Variants in RAD51B observed in about 807,000 individuals in gnomAD.
RAD51B encodes DNA repair protein RAD51 homolog 2.
Under a neutral mutation model 42.2 loss-of-function variants are expected in RAD51B, and 38 were observed. The ratio of observed to expected loss-of-function variants is 0.90; its 90% CI spans 0.70 to 1.18. The LOEUF is 1.18. Among genes scored for constraint, RAD51B ranks in the 50% most tolerant of loss-of-function variants. The pLI, the probability that RAD51B is intolerant of heterozygous loss-of-function variation, is 0.00. For missense variants in RAD51B, 373 were observed against 400.7 expected (o/e 0.93, Z 0.59); for synonymous variants, 154 against 145.2 (o/e 1.06, Z -0.43).
At chr14:68,068,928 G>T (rs529373247) in intron 7 of RAD51B, among the ~76,000 whole-genome samples, 2 of 152,096 alleles carry the variant, frequency 1.3e-5, no homozygotes, top group Non-Finnish European at 2.9e-5. Context: ...AACACTTCTC[G>T]ATTATTGCAA....
intron 10 of RAD51B, among the ~76,000 whole-genome samples, chr14:68,491,777 G>A (rs1370892541): frequency 1.3e-5 from 2 of 152,188 alleles, no homozygotes. Context: ...AAGATGACAG[G>A]GTAGATAAAT....
intron 8 of RAD51B, among the ~76,000 whole-genome samples, chr14:68,385,437 T>C (rs1459312644): frequency 6.6e-6 from 1 of 152,238 alleles, no homozygotes; most frequent in Non-Finnish European, 1.5e-5. Context: ...GGAAGTTTGA[T>C]GGCACTGAGT....
intron 4 of RAD51B, among the ~76,000 whole-genome samples, chr14:67,847,323 G>A (rs796760471): frequency 1.1e-5 from 1 of 93,944 alleles, no homozygotes; most frequent in Non-Finnish European, 2.1e-5. Flanking sequence ...GGGTTGGTTT[G>A]TTCTTTTTTT....
chr14:68,443,305 A>T (rs1236720819), intron 9 of RAD51B, among the ~76,000 whole-genome samples: 1 of 152,164 alleles, frequency 6.6e-6, no homozygotes, highest in African/African-American at 2.4e-5. Context: ...AGCACATAGC[A>T]TGCTATTTTT....
intron 8 of RAD51B, among the ~76,000 whole-genome samples, chr14:68,384,291 C>A (rs1046664731): frequency 6.6e-6 from 1 of 152,056 alleles, no homozygotes; most frequent in African/African-American, 2.4e-5. Context: ...TTGTTGTTTA[C>A]GTGGTTGGAA....
At chr14:67,827,627 C>T (rs1298367999) in intron 3 of RAD51B, among the ~76,000 whole-genome samples, 1 of 152,172 alleles carries the variant, frequency 6.6e-6, no homozygotes, top group Non-Finnish European at 1.5e-5. Context: ...GAAGCTCTCC[C>T]TCTCCCCCAC....
intron 10 of RAD51B, chr14:68,497,225 TGTG>T (rs1025022593): frequency 7.3e-6 from 10 of 1,373,484 alleles, no homozygotes; most frequent in African/African-American, 1.4e-5. Context: ...GAAAGAGTCT[TGTG>T]GTGAAACACC....
At chr14:68,146,417 T>C (rs2078250130) in intron 7 of RAD51B, among the ~76,000 whole-genome samples, 1 of 152,012 alleles carries the variant, frequency 6.6e-6, no homozygotes, top group African/African-American at 2.4e-5. Flanking sequence ...AGACTGAGAC[T>C]CTGTTTCCCC....
chr14:68,674,156 CAT>C (rs776238236), intron 11 of RAD51B, among the ~76,000 whole-genome samples: 5 of 148,670 alleles, frequency 3.4e-5, no homozygotes, highest in Admixed American at 6.8e-5. Context: ...ACTGTACACA[CAT>C]ATATACACAC....
chr14:67,850,713 A>G (rs1013141041), intron 4 of RAD51B, among the ~76,000 whole-genome samples: 1 of 152,150 alleles, frequency 6.6e-6, no homozygotes, highest in Non-Finnish European at 1.5e-5. Context: ...AAATACCCCT[A>G]TGTCAAATGT....
intron 10 of RAD51B, among the ~76,000 whole-genome samples, chr14:68,484,294 T>G (rs1883431801): frequency 6.6e-6 from 1 of 152,112 alleles, no homozygotes; most frequent in African/African-American, 2.4e-5. Context: ...TAATTCAGCT[T>G]TCAACCTACC....
chr14:68,449,501 G>A (rs1318014580), intron 9 of RAD51B, among the ~76,000 whole-genome samples: 1 of 152,106 alleles, frequency 6.6e-6, no homozygotes, highest in African/African-American at 2.4e-5. Flanking sequence ...TTTTAAAGGG[G>A]TGGATGGCTC....
intron 4 of RAD51B, among the ~76,000 whole-genome samples, chr14:67,842,180 G>A (rs1380834980): frequency 6.6e-6 from 1 of 151,994 alleles, no homozygotes; most frequent in Non-Finnish European, 1.5e-5. Flanking sequence ...TCTTGACTTG[G>A]CTCTCAGCTG....
chr14:67,894,102 A>T (rs905583183), intron 7 of RAD51B, among the ~76,000 whole-genome samples: 1 of 152,242 alleles, frequency 6.6e-6, no homozygotes, highest in African/African-American at 2.4e-5. Flanking sequence ...TTGAAAAATG[A>T]GGATAACAAT....
At chr14:68,595,979 C>T (rs1416051169) in exon 11 of RAD51B, 20 of 694,502 alleles carry the variant, frequency 2.9e-5, no homozygotes, top group African/African-American at 2.5e-4. Flanking sequence ...AAGTTTCCTC[C>T]CATTAACATG....
Position 68,218,569 on chromosome 14 carries a change from G to A in RAD51B, c.757-73315G>A, listed in dbSNP as rs1595565224. 4.6e-5 allele frequency among the ~76,000 whole-genome samples: 7 copies of A among 152,286 alleles called. 2 individuals carry two copies. Among genetic ancestry groups the A allele is most frequent in the Middle Eastern group, 3.4e-3 (1 of 294 alleles). ...TGTAAGTGCTATTGATGTGGCATTA[G>A]CATTGATTTCATAGCTATTTAATAA... On this transcript the variant is annotated intron_variant, in intron 7 of 10. Transcript: ENST00000471583.
At chr14:67,926,649 C>T (rs937279196) in intron 7 of RAD51B, among the ~76,000 whole-genome samples, 1 of 148,986 alleles carries the variant, frequency 6.7e-6, no homozygotes, top group East Asian at 1.9e-4. Context: ...CTGCAGCCTC[C>T]GCCTCCTGGG....
chr14:68,063,203 G>T lies in RAD51B; in HGVS notation c.756+175999G>T, dbSNP rs573746437. Among the ~76,000 whole-genome samples, 5 of 151,772 alleles carry T rather than the reference G, an allele frequency of 3.3e-5. No individual in the cohort carries two copies. In the East Asian group the frequency reaches 9.7e-4, roughly 29 times the overall value. ...TGCAACTTTCCATCTTGGTCTTTTG[G>T]TTTTTTAAGTCTCTATTTTGTTTAT... On this transcript the variant is annotated intron_variant, in intron 7 of 10. Coordinates refer to ENST00000471583, the MANE Select transcript of RAD51B (RefSeq NM_133510.4).
chr14:68,337,206 A>T (rs1047048698), intron 8 of RAD51B, among the ~76,000 whole-genome samples: 2 of 152,052 alleles, frequency 1.3e-5, no homozygotes, highest in Admixed American at 6.6e-5. Context: ...CCCACATCTT[A>T]TTTTTGTTGG....
Sources: gnomAD v4.1 joint callset for allele counts (sites outside exome capture counted in the v4.1 genomes callset) on GRCh38, gnomAD v4.1.1 for gene constraint, MANE v1.5 for transcripts, NCBI Gene and HGNC (gene_info 2026-07-23, HGNC 2026-07-21) for gene names.